The following CNTN4 variants were observed in gnomAD, a reference collection of about 807,000 sequenced individuals.
CNTN4 encodes the protein contactin 4.
Under a neutral mutation model 122.5 loss-of-function variants are expected in CNTN4, and 77 were observed. The observed-to-expected ratio is 0.63, with a 90% CI of 0.52 to 0.76. The LOEUF is 0.76. CNTN4 is among the 30% of genes least tolerant of loss of function. CNTN4 has a pLI of 0.00. For missense variants in CNTN4, 1,256 were observed against 1,259.1 expected (o/e 1.00, Z 0.04); for synonymous variants, 512 against 447.0 (o/e 1.15, Z -1.83).
intron 3 of CNTN4, among the ~76,000 whole-genome samples, chr3:2,449,772 A>C (rs972914024): frequency 6.6e-6 from 1 of 152,218 alleles, no homozygotes; most frequent in African/African-American, 2.4e-5. Context: ...CTTAAAAAAT[A>C]ATGAAATCTT....
At chr3:2,151,468 G>A (rs750039810) in intron 2 of CNTN4, among the ~76,000 whole-genome samples, 1 of 152,282 alleles carries the variant, frequency 6.6e-6, no homozygotes, top group Non-Finnish European at 1.5e-5. Flanking sequence ...GGGAATAAAT[G>A]ACTGAACACA....
At chr3:2,828,503 A>G (rs1478117778) in intron 7 of CNTN4, among the ~76,000 whole-genome samples, 1 of 152,174 alleles carries the variant, frequency 6.6e-6, no homozygotes, top group Non-Finnish European at 1.5e-5. Flanking sequence ...TACTGCTACT[A>G]TGCCATTTTC....
intron 3 of CNTN4, among the ~76,000 whole-genome samples, chr3:2,491,108 T>A (rs1029318824): frequency 6.6e-6 from 1 of 152,114 alleles, no homozygotes; most frequent in Admixed American, 6.5e-5. Context: ...GGAAAACCAA[T>A]AGAACAAGAC....
intron 4 of CNTN4, among the ~76,000 whole-genome samples, chr3:2,593,551 C>A (rs9850775): frequency 0.21 from 32,413 of 151,976 alleles, 3,571 homozygotes; most frequent in South Asian, 0.31. Flanking sequence ...GTAATGACAA[C>A]TATTTGTTTG....
chr3:2,220,667 A>T (rs902077318), intron 2 of CNTN4, among the ~76,000 whole-genome samples: 9 of 152,156 alleles, frequency 5.9e-5, no homozygotes, highest in Non-Finnish European at 1.2e-4. Flanking sequence ...GAAAAAAGGA[A>T]ATAATGATAT....
chr3:2,378,577 A>G (rs1484557631), intron 3 of CNTN4, among the ~76,000 whole-genome samples: 1 of 152,182 alleles, frequency 6.6e-6, no homozygotes, highest in Non-Finnish European at 1.5e-5. Flanking sequence ...CCTATTTGTT[A>G]GAGACTGTGC....
chr3:2,903,039 A>T, intron 12 of CNTN4, 34 bp downstream of exon 12: 1 of 1,605,874 alleles, frequency 6.2e-7, no homozygotes, highest in Non-Finnish European at 8.5e-7. Context: ...AAAAAAATTA[A>T]AACTCTTTAG....
rs139381646 is a variant in CNTN4, at chr3:2,534,956, C to T, written c.-88-36460C>T. Among the ~76,000 whole-genome samples, 553 of 151,590 alleles carry T rather than the reference C, an allele frequency of 3.6e-3. 7 individuals are homozygous for T. Among genetic ancestry groups the T allele is most frequent in the African/African-American group, 0.013 (522 of 41,370 alleles). On this transcript the variant is annotated intron_variant, in intron 3 of 24. Coordinates refer to ENST00000418658, the MANE Select transcript of CNTN4 (RefSeq NM_175607.3). ...TGTTGAGGAGATGGGATTTTCATAT[C>T]GCCTGTTCTATCTTTGCATGCAGTG...
intron 4 of CNTN4, among the ~76,000 whole-genome samples, chr3:2,684,880 A>G (rs1427954860): frequency 6.6e-6 from 1 of 152,210 alleles, no homozygotes; most frequent in East Asian, 1.9e-4. Flanking sequence ...AAGAAGATTT[A>G]GGGGGAGACA....
At chr3:2,681,146 C>T (rs1260660580) in intron 4 of CNTN4, among the ~76,000 whole-genome samples, 2 of 152,146 alleles carry the variant, frequency 1.3e-5, no homozygotes, top group African/African-American at 2.4e-5. Context: ...GCCCGCCACC[C>T]AAGGATTTTA....
At chr3:2,430,295 G>A (rs373285967) in intron 3 of CNTN4, among the ~76,000 whole-genome samples, 203 of 151,858 alleles carry the variant, frequency 1.3e-3, no homozygotes, top group African/African-American at 3.8e-3. Flanking sequence ...GGTGGCGGGC[G>A]CCTGTAGTCC....
At chr3:2,381,555 A>G (rs377284477) in intron 3 of CNTN4, among the ~76,000 whole-genome samples, 1 of 152,318 alleles carries the variant, frequency 6.6e-6, no homozygotes, top group Non-Finnish European at 1.5e-5. Context: ...CAAAAGATAT[A>G]AAATATGTAA....
At chr3:2,791,004 A>G (rs2091990699) in intron 6 of CNTN4, among the ~76,000 whole-genome samples, 1 of 128,150 alleles carries the variant, frequency 7.8e-6, no homozygotes, top group African/African-American at 3.2e-5. Context: ...CTGTGTCACA[A>G]GAGTAATTAC....
intron 4 of CNTN4, among the ~76,000 whole-genome samples, chr3:2,688,401 C>A (rs1224797133): frequency 6.6e-6 from 1 of 152,166 alleles, no homozygotes; most frequent in Non-Finnish European, 1.5e-5. Flanking sequence ...TCGGCACCAG[C>A]CAATTACCGA....
At position 2,633,273 on chromosome 3, in the gene CNTN4, A is replaced by G. The variant is rs112521648; in HGVS notation, c.55+61715A>G. On this transcript the variant is annotated intron_variant, in intron 4 of 24. Transcript: ENST00000418658. ...ATGATGCCCCCACCCAGGATGCAGA[A>G]CAATCACTGCCCTTGCCTGCTAGCT... Among the ~76,000 whole-genome samples the G allele has an allele frequency of 1.2e-3, 183 of 152,320 alleles. 1 individual carries two copies. Among genetic ancestry groups the G allele is most frequent in the African/African-American group, 4.3e-3 (179 of 41,586 alleles).
At chr3:2,261,007 A>T (rs1164252647) in intron 2 of CNTN4, among the ~76,000 whole-genome samples, 1 of 152,168 alleles carries the variant, frequency 6.6e-6, no homozygotes, top group Non-Finnish European at 1.5e-5. Flanking sequence ...CTGTGATTAC[A>T]GGTGTGAGAC....
At chr3:2,143,157 T>C (rs778345701) in intron 2 of CNTN4, among the ~76,000 whole-genome samples, 6 of 152,208 alleles carry the variant, frequency 3.9e-5, no homozygotes, top group African/African-American at 1.4e-4. Flanking sequence ...ATGTTCATTT[T>C]ATAGACTGGA....
chr3:2,436,918 G>T (rs1211708509), intron 3 of CNTN4, among the ~76,000 whole-genome samples: 2 of 151,422 alleles, frequency 1.3e-5, no homozygotes, highest in East Asian at 1.9e-4. Context: ...TATGTATTAA[G>T]TTGAGAATAT....
intron 4 of CNTN4, chr3:2,629,537 G>A (rs2082336556): frequency 2.2e-6 from 1 of 453,134 alleles, no homozygotes; most frequent in Non-Finnish European, 4.4e-6. Flanking sequence ...TTCACAGACT[G>A]ACTTCTGGTC....
Sources: allele counts gnomAD v4.1 joint callset (sites outside exome capture counted in the v4.1 genomes callset), GRCh38; gene constraint gnomAD v4.1.1; transcripts MANE v1.5; gene names NCBI Gene and HGNC (gene_info 2026-07-23, HGNC 2026-07-21).